Variants in CYP27A1 observed in about 807,000 individuals in gnomAD.
The protein encoded by CYP27A1 is cytochrome P450 family 27 subfamily A member 1.
CYP27A1 carries 46 observed loss-of-function variants against 58.2 expected under a neutral mutation model. The observed-to-expected ratio is 0.79, with a 90% CI of 0.62 to 1.01. The LOEUF is 1.01. CYP27A1 is among the 50% of genes least tolerant of loss of function. The probability of loss-of-function intolerance (pLI) is 0.00; values close to 1 mark genes in which losing one functional copy is unlikely to be tolerated. For missense variants in CYP27A1, 704 were observed against 687.0 expected (o/e 1.02, Z -0.28); for synonymous variants, 274 against 285.1 (o/e 0.96, Z 0.39).
intron 1 of CYP27A1, among the ~76,000 whole-genome samples, chr2:218,801,625 A>G (rs941863211): frequency 1.3e-5 from 2 of 152,186 alleles, no homozygotes; most frequent in South Asian, 4.1e-4. Flanking sequence ...TGCAAATATC[A>G]TAGTTGAAAG....
At position 218,814,162 on chromosome 2, in the gene CYP27A1, A is replaced by AC; in HGVS notation, c.1159_1160insC (p.Lys387ThrfsTer5). The stretch of plus-strand genomic sequence containing the variant: ...GGACTTTGCCCACATGCCGTTGCTC[A>AC]AAGCTGTGCTTAAGGAGACTCTGCG... On this transcript the variant is annotated frameshift_variant, in exon 6 of 9. Coordinates refer to ENST00000258415, the MANE Select transcript of CYP27A1 (RefSeq NM_000784.4). LOFTEE classifies it high-confidence loss of function. 6.2e-7 allele frequency: 1 copy of AC among 1,614,236 alleles called. No homozygotes were observed. The highest frequency in any genetic ancestry group is 8.5e-7 in the Non-Finnish European group (1 of 1,180,050).
At chr2:218,785,189 C>G (rs1362396833) in intron 1 of CYP27A1, among the ~76,000 whole-genome samples, 1 of 152,126 alleles carries the variant, frequency 6.6e-6, no homozygotes, top group Non-Finnish European at 1.5e-5. Context: ...CAACCTAGAT[C>G]CCTCACATAT....
chr2:218,803,722 CTTTTTT>C (rs71040407), intron 1 of CYP27A1, among the ~76,000 whole-genome samples: 4 of 57,778 alleles, frequency 6.9e-5, no homozygotes, highest in Admixed American at 2.2e-4. Flanking sequence ...GTGCCCCCGT[CTTTTTT>C]TTTTTTTTTT....
rs750240952 is a variant in CYP27A1, at chr2:218,815,054, C to A, written c.*24C>A. 124 of 1,613,906 alleles carry A rather than the reference C, an allele frequency of 7.7e-5. No homozygotes were observed. The highest frequency in any genetic ancestry group is 1.3e-4 in the African/African-American group (10 of 74,938). On this transcript the variant is annotated 3_prime_UTR_variant, in exon 9 of 9. Coordinates refer to ENST00000258415, the MANE Select transcript of CYP27A1 (RefSeq NM_000784.4). ...GAGCTGAGTCTCCGCCTTGCTGGGG[C>A]TTGTCCTAGAGGCTCCAGCTCTGGC...
Position 218,815,133 on chromosome 2 carries a change from C to G in CYP27A1, c.*103C>G. 1 of 1,440,630 alleles carries G rather than the reference C, an allele frequency of 6.9e-7. No individual in the cohort carries two copies. The highest frequency in any genetic ancestry group is 9.7e-7 in the Non-Finnish European group (1 of 1,035,802). 89.2% of individuals were successfully genotyped at this position (1,440,630 alleles called of 1,614,324 possible). A position where few individuals can be genotyped will look rare whatever the true frequency, so the allele number is the denominator to read the frequency against. ...CAGATGAGGAGGGAGAGAAGGAGGC[C>G]GCCAGACTCGAGAGGTGGGAGGAAC... On this transcript the variant is annotated 3_prime_UTR_variant, in exon 9 of 9. Transcript: ENST00000258415.
intron 1 of CYP27A1, among the ~76,000 whole-genome samples, chr2:218,798,156 C>T (rs547072854): frequency 2.0e-5 from 3 of 151,784 alleles, no homozygotes; most frequent in Non-Finnish European, 2.9e-5. Flanking sequence ...GCATGCACCA[C>T]CACACTTGGC....
intron 1 of CYP27A1, among the ~76,000 whole-genome samples, chr2:218,808,000 C>A (rs1943668789): frequency 6.6e-6 from 1 of 152,136 alleles, no homozygotes; most frequent in South Asian, 2.1e-4. Flanking sequence ...TTTTAGACCT[C>A]CTTTCTTAGG....
At chr2:218,788,266 G>C (rs1943458068) in intron 1 of CYP27A1, among the ~76,000 whole-genome samples, 1 of 152,230 alleles carries the variant, frequency 6.6e-6, no homozygotes, top group South Asian at 2.1e-4. Flanking sequence ...ACTGGCTTGA[G>C]CTTCCTTACA....
chr2:218,803,631 C>T (rs1384391223), intron 1 of CYP27A1, among the ~76,000 whole-genome samples: 1 of 150,836 alleles, frequency 6.6e-6, no homozygotes, highest in Non-Finnish European at 1.5e-5. Flanking sequence ...GCCATGTTGG[C>T]CAGGATGGTC....
Position 218,807,887 on chromosome 2 carries a change from G to C in CYP27A1, c.256-1690G>C, listed in dbSNP as rs923371472. On this transcript the variant is annotated intron_variant, in intron 1 of 8. Transcript: ENST00000258415. ...GGCCTCCCAAAGTGCTGGGATTATA[G>C]GGGTGAGTCACCATGCCCGGTCCAG... Among the ~76,000 whole-genome samples the C allele has an allele frequency of 2.6e-5, 4 of 151,890 alleles. No homozygotes were observed. The East Asian group carries it at 7.7e-4, about 29-fold the overall frequency.
intron 1 of CYP27A1, among the ~76,000 whole-genome samples, chr2:218,792,180 G>T (rs1415153347): frequency 6.6e-6 from 1 of 152,134 alleles, no homozygotes; most frequent in African/African-American, 2.4e-5. Context: ...GGACAAGGTG[G>T]CTGTCCTGGT....
chr2:218,814,341 T>G, intron 6 of CYP27A1, 39 bp from the exon 7 acceptor site: 1 of 1,609,240 alleles, frequency 6.2e-7, no homozygotes, highest in Non-Finnish European at 8.5e-7. Flanking sequence ...TGTACCCCCA[T>G]GAATCCAGAG....
At chr2:218,796,032 G>C (rs957443231) in intron 1 of CYP27A1, among the ~76,000 whole-genome samples, 3 of 152,128 alleles carry the variant, frequency 2.0e-5, no homozygotes, top group Non-Finnish European at 4.4e-5. Flanking sequence ...AGATAAACTC[G>C]GAGCTCCTGG....
At chr2:218,813,361 T>C (rs897679460) in intron 5 of CYP27A1, among the ~76,000 whole-genome samples, 4 of 152,300 alleles carry the variant, frequency 2.6e-5, no homozygotes, top group African/African-American at 9.6e-5. Context: ...ACATCTCCCA[T>C]CTATCCAACT....
At chr2:218,806,150 C>G (rs1207384218) in intron 1 of CYP27A1, 1 of 152,184 alleles carries the variant, frequency 6.6e-6, no homozygotes, top group Non-Finnish European at 1.5e-5. Flanking sequence ...CTGTTTACCA[C>G]CATTGAGATA....
At chr2:218,794,043 A>G (rs1432578533) in intron 1 of CYP27A1, among the ~76,000 whole-genome samples, 1 of 152,174 alleles carries the variant, frequency 6.6e-6, no homozygotes, top group Non-Finnish European at 1.5e-5. Context: ...TTGGGTGAAA[A>G]GGAAAAAAAT....
chr2:218,798,485 TA>T (rs1181747215), intron 1 of CYP27A1, among the ~76,000 whole-genome samples: 1 of 152,242 alleles, frequency 6.6e-6, no homozygotes, highest in Non-Finnish European at 1.5e-5. Context: ...CCTTCCAGCA[TA>T]ATTAAGGGTG....
rs200457116 is a variant in CYP27A1 at position 218,814,196 on chromosome 2, G to T, written c.1184+9G>T. The T allele has an allele frequency of 1.3e-4, 210 of 1,614,110 alleles. 1 individual carries two copies. Among genetic ancestry groups the T allele is most frequent in the Admixed American group, 8.3e-5 (5 of 60,014 alleles). ...CTTAAGGAGACTCTGCGGTAGGACA[G>T]AATGCTGTTCTGGGGGGCACAGGAT... On this transcript the variant is annotated intron_variant, in intron 6 of 8. Coordinates refer to ENST00000258415, the MANE Select transcript of CYP27A1 (RefSeq NM_000784.4).
intron 1 of CYP27A1, among the ~76,000 whole-genome samples, chr2:218,789,716 C>T (rs985730162): frequency 6.6e-6 from 1 of 152,198 alleles, no homozygotes; most frequent in Admixed American, 6.5e-5. Context: ...TTTAACAATT[C>T]CCCACTTTCG....
Sources: allele counts gnomAD v4.1 joint callset (sites outside exome capture counted in the v4.1 genomes callset), GRCh38; gene constraint gnomAD v4.1.1; transcripts MANE v1.5; gene names NCBI Gene and HGNC (gene_info 2026-07-23, HGNC 2026-07-21).